Variants in PTPRT observed in about 807,000 individuals in gnomAD.
The protein encoded by PTPRT is receptor-type tyrosine-protein phosphatase T.
Under a neutral mutation model 176.8 loss-of-function variants are expected in PTPRT, and 56 were observed. The ratio of observed to expected loss-of-function variants is 0.32; its 90% confidence interval spans 0.26 to 0.40. The LOEUF (loss-of-function observed/expected upper bound fraction) is 0.40, where lower values mean the gene tolerates loss of function less well. Among genes scored for constraint, PTPRT ranks in the 10% least tolerant of loss-of-function variants. PTPRT has a pLI of 1.00. For missense variants in PTPRT, 1,540 were observed against 1,908.2 expected (o/e 0.81, Z 3.60); for synonymous variants, 783 against 739.0 (o/e 1.06, Z -0.96).
intron 1 of PTPRT, among the ~76,000 whole-genome samples, chr20:43,094,189 G>A (rs1396290015): frequency 6.7e-6 from 1 of 148,546 alleles, no homozygotes; most frequent in Non-Finnish European, 1.5e-5. Flanking sequence ...CCGGGTTCAC[G>A]CCATTCTCCT....
chr20:42,477,456 A>G (rs1449000784), intron 7 of PTPRT, among the ~76,000 whole-genome samples: 1 of 152,134 alleles, frequency 6.6e-6, no homozygotes, highest in Non-Finnish European at 1.5e-5. Flanking sequence ...TAGGTTTTAG[A>G]GTGTGATGGA....
intron 7 of PTPRT, among the ~76,000 whole-genome samples, chr20:42,611,103 G>A (rs796163636): frequency 4.6e-5 from 7 of 152,266 alleles, no homozygotes; most frequent in African/African-American, 1.4e-4. Flanking sequence ...CTATTTTGGG[G>A]TGATCATGAA....
At chr20:42,952,377 A>T (rs949593879) in intron 1 of PTPRT, among the ~76,000 whole-genome samples, 9 of 152,246 alleles carry the variant, frequency 5.9e-5, no homozygotes, top group South Asian at 4.1e-4. Context: ...TATGAAGGAC[A>T]GTGAGAACAA....
At chr20:42,299,171 A>T (rs1238552825) in intron 12 of PTPRT, among the ~76,000 whole-genome samples, 3 of 152,126 alleles carry the variant, frequency 2.0e-5, no homozygotes, top group Non-Finnish European at 2.9e-5. Context: ...GCTTTTCTGT[A>T]TGCACTTGTT....
chr20:42,333,639 G>A (rs2057999346), intron 11 of PTPRT, among the ~76,000 whole-genome samples: 1 of 151,846 alleles, frequency 6.6e-6, no homozygotes, highest in Non-Finnish European at 1.5e-5. Flanking sequence ...GCCAGGCTTA[G>A]TATTGTTTTT....
At chr20:42,112,156 T>A (rs1053132708) in intron 22 of PTPRT, among the ~76,000 whole-genome samples, 1 of 152,126 alleles carries the variant, frequency 6.6e-6, no homozygotes, top group African/African-American at 2.4e-5. Flanking sequence ...TAGACTTGCA[T>A]TTTAGGAGGC....
chr20:42,300,937 A>G (rs1437613125), intron 12 of PTPRT, among the ~76,000 whole-genome samples: 2 of 146,326 alleles, frequency 1.4e-5, no homozygotes, highest in Non-Finnish European at 3.0e-5. Context: ...GAAGGGGAAC[A>G]TCACACTCTG....
intron 10 of PTPRT, among the ~76,000 whole-genome samples, chr20:42,350,998 A>G (rs1453096126): frequency 1.3e-5 from 2 of 152,228 alleles, no homozygotes; most frequent in Non-Finnish European, 2.9e-5. Flanking sequence ...TCCACACCTA[A>G]TAAACAGATA....
intron 2 of PTPRT, among the ~76,000 whole-genome samples, chr20:42,839,123 G>T (rs1271622947): frequency 6.6e-6 from 1 of 152,106 alleles, no homozygotes; most frequent in East Asian, 1.9e-4. Flanking sequence ...AAGGGCACAG[G>T]TGCTGGAGGT....
chr20:42,954,198 G>C (rs1271368786), intron 1 of PTPRT, among the ~76,000 whole-genome samples: 1 of 152,224 alleles, frequency 6.6e-6, no homozygotes, highest in African/African-American at 2.4e-5. Context: ...AGAGGTTGAT[G>C]TGTAACTTGT....
At chr20:42,917,336 C>A (rs1176657845) in intron 1 of PTPRT, among the ~76,000 whole-genome samples, 1 of 152,062 alleles carries the variant, frequency 6.6e-6, no homozygotes, top group African/African-American at 2.4e-5. Flanking sequence ...TGTTTTGGTA[C>A]CAGTACCATG....
intron 3 of PTPRT, among the ~76,000 whole-genome samples, chr20:42,788,402 T>C (rs915347328): frequency 1.3e-5 from 2 of 152,188 alleles, no homozygotes; most frequent in Admixed American, 6.5e-5. Flanking sequence ...TTCTCTTTTC[T>C]TCTCTTTCTC....
At chr20:42,911,496 G>T (rs1018984612) in intron 1 of PTPRT, among the ~76,000 whole-genome samples, 5 of 152,052 alleles carry the variant, frequency 3.3e-5, no homozygotes, top group Admixed American at 1.3e-4. Flanking sequence ...AATGCCTACT[G>T]GCACCAGTGC....
chr20:42,993,041 T>G (rs1984010206), intron 1 of PTPRT, among the ~76,000 whole-genome samples: 1 of 152,132 alleles, frequency 6.6e-6, no homozygotes, highest in Non-Finnish European at 1.5e-5. Flanking sequence ...TACATTCTAT[T>G]TATCAAGTCA....
chr20:42,349,079 T>C (rs1167304673), intron 11 of PTPRT, among the ~76,000 whole-genome samples: 1 of 152,194 alleles, frequency 6.6e-6, no homozygotes, highest in Non-Finnish European at 1.5e-5. Flanking sequence ...ATGCCTATCA[T>C]TTCTAGATGA....
At chr20:42,507,025 G>A (rs2071857962) in intron 7 of PTPRT, among the ~76,000 whole-genome samples, 1 of 152,066 alleles carries the variant, frequency 6.6e-6, no homozygotes, top group Non-Finnish European at 1.5e-5. Context: ...TCAGCTCCCA[G>A]GTCCACATAA....
intron 7 of PTPRT, among the ~76,000 whole-genome samples, chr20:42,660,263 A>T (rs1265800810): frequency 6.6e-6 from 1 of 151,964 alleles, no homozygotes; most frequent in African/African-American, 2.4e-5. Flanking sequence ...TATGGCACCC[A>T]CTCTGATAGG....
chr20:42,985,509 A>G (rs1983522463), intron 1 of PTPRT, among the ~76,000 whole-genome samples: 3 of 152,158 alleles, frequency 2.0e-5, no homozygotes, highest in Admixed American at 2.0e-4. Flanking sequence ...AAATAAATAA[A>G]TAAAGTGGGG....
chr20:42,527,800 G>A (rs2072305482), intron 7 of PTPRT, among the ~76,000 whole-genome samples: 1 of 152,168 alleles, frequency 6.6e-6, no homozygotes, highest in Non-Finnish European at 1.5e-5. Context: ...AGTTGTAAGT[G>A]GTATTTGGCA....
Sources: allele counts gnomAD v4.1 joint callset (sites outside exome capture counted in the v4.1 genomes callset), GRCh38; gene constraint gnomAD v4.1.1; transcripts MANE v1.5; gene names NCBI Gene and HGNC (gene_info 2026-07-23, HGNC 2026-07-21).